The following CUL9 variants were observed in gnomAD, a reference collection of about 807,000 sequenced individuals.
CUL9 encodes the protein cullin 9.
A neutral mutation model predicts 272.6 loss-of-function variants in CUL9; 79 were observed. The observed-to-expected ratio is 0.29, with a 90% CI of 0.24 to 0.35. The LOEUF is 0.35. Among genes scored for constraint, CUL9 ranks in the 10% least tolerant of loss-of-function variants. The probability of loss-of-function intolerance (pLI) is 1.00; values close to 1 mark genes in which losing one functional copy is unlikely to be tolerated. For synonymous variants in CUL9, 1,186 were observed against 1,286.5 expected (o/e 0.92, Z 1.67); for missense variants, 2,532 against 3,255.6 (o/e 0.78, Z 5.41).
At chr6:43,185,816 TC>T in intron 3 of CUL9, 138 bp from the exon 4 acceptor site, 1 of 1,264,818 alleles carries the variant, frequency 7.9e-7, no homozygotes. Context: ...CCTATGCCTT[TC>T]TTACACAAAT....
rs1171642743 is a variant in CUL9 at position 43,223,593 on chromosome 6, C to G, written c.7284+196C>G. Reference sequence around the variant, plus strand: ...CTGCTGGACCCTATCACTTCACCTCCTGGGGATTCCTACAAAATAAAGGGG... The same window carrying G: ...CTGCTGGACCCTATCACTTCACCTCGTGGGGATTCCTACAAAATAAAGGGG... On this transcript the variant is annotated intron_variant, in intron 39 of 40. Transcript: ENST00000252050. This position sits in a 1 kb window ranked among gnomAD's most constrained non-coding sequence, Gnocchi z 4.1. 2 of 658,828 alleles carry G rather than the reference C, an allele frequency of 3.0e-6. No homozygotes were observed. The highest frequency in any genetic ancestry group is 2.5e-6 in the Non-Finnish European group (1 of 395,276). 40.8% of individuals were successfully genotyped at this position (658,828 alleles called of 1,614,324 possible). A position where few individuals can be genotyped will look rare whatever the true frequency, so the allele number is the denominator to read the frequency against.
chr6:43,219,814 C>G (rs1776199569), intron 31 of CUL9, among the ~76,000 whole-genome samples: 1 of 152,002 alleles, frequency 6.6e-6, no homozygotes, highest in South Asian at 2.1e-4. Flanking sequence ...GGATCAGGCT[C>G]TCACAGTGGT....
intron 16 of CUL9, among the ~76,000 whole-genome samples, chr6:43,201,719 T>C (rs890143033): frequency 1.3e-5 from 2 of 152,250 alleles, no homozygotes; most frequent in Non-Finnish European, 2.9e-5. Context: ...GACCTCGTGA[T>C]CCGCCCGCCT....
At chr6:43,190,147 C>A (rs1041012737) in intron 8 of CUL9, among the ~76,000 whole-genome samples, 1 of 152,082 alleles carries the variant, frequency 6.6e-6, no homozygotes, top group Non-Finnish European at 1.5e-5. Flanking sequence ...GTGCAGTGTT[C>A]TAACGCGTCT....
At position 43,184,988 on chromosome 6, in the gene CUL9, T is replaced by C; in HGVS notation, c.595+83T>C. ...AGAAAGAGGAGAGATTTCCTAGCTC[T>C]GTAAGAACACCTAGTATTTGGTGAA... On this transcript the variant is annotated intron_variant, in intron 2 of 40. Coordinates refer to ENST00000252050, the MANE Select transcript of CUL9 (RefSeq NM_015089.4). This position sits in a 1 kb window ranked among gnomAD's most constrained non-coding sequence, Gnocchi z 4.8. The C allele has an allele frequency of 9.7e-7, 1 of 1,028,552 alleles. No homozygotes were observed. The highest frequency in any genetic ancestry group is 1.4e-6 in the Non-Finnish European group (1 of 720,700). 63.7% of individuals were successfully genotyped at this position (1,028,552 alleles called of 1,614,324 possible). A position where few individuals can be genotyped will look rare whatever the true frequency, so the allele number is the denominator to read the frequency against.
intron 4 of CUL9, among the ~76,000 whole-genome samples, chr6:43,186,689 A>C (rs1772947736): frequency 6.6e-6 from 1 of 152,140 alleles, no homozygotes; most frequent in South Asian, 2.1e-4. Context: ...CAGAACTGAT[A>C]AATGGAGATA....
rs1408246723 is a variant in CUL9 at position 43,187,391 on chromosome 6, G to A, written c.1533G>A (p.Leu511=). The change falls in exon 6 of 41, where the codon TTG becomes TTA. Residue 511 remains leucine (L), a synonymous_variant. Transcript: ENST00000252050. The part of the protein sequence containing the change: ...ELLFFIKKLD[L]CEQQPIFQNL... ...TTTTCTTTATCAAAAAGTTGGACTT[G>A]TGTGAGCAGCAGCCAATTTTCCAGA... 1.9e-6 allele frequency: 3 copies of A among 1,614,006 alleles called. No individual in the cohort carries two copies. The highest frequency in any genetic ancestry group is 1.6e-4 in the Middle Eastern group (1 of 6,080).
In CUL9 at chr6:43,221,990, T is replaced by C. The variant is rs930446637; in HGVS notation, c.6846+212T>C. On this transcript the variant is annotated intron_variant, in intron 35 of 40. Coordinates refer to ENST00000252050, the MANE Select transcript of CUL9 (RefSeq NM_015089.4). This position sits in a 1 kb window ranked among gnomAD's most constrained non-coding sequence, Gnocchi z 4.2. Reference sequence around the variant, plus strand: ...TTCAGCTCCAGAACAGGACTTCTCATACCGAGGTGGCTACAGAAAGGCTGG... The same window carrying C: ...TTCAGCTCCAGAACAGGACTTCTCACACCGAGGTGGCTACAGAAAGGCTGG... 6 of 597,904 alleles carry C rather than the reference T, an allele frequency of 1.0e-5. No individual in the cohort carries two copies. In the East Asian group the frequency reaches 1.7e-4, roughly 17 times the overall value. 37.0% of individuals were successfully genotyped at this position (597,904 alleles called of 1,614,324 possible).
chr6:43,187,427 G>A lies in CUL9; in HGVS notation c.1569G>A (p.Lys523=). The A allele has an allele frequency of 1.9e-6, 3 of 1,614,082 alleles. No homozygotes were observed. Among genetic ancestry groups the A allele is most frequent in the Non-Finnish European group, 1.7e-6 (2 of 1,179,980 alleles). Residue 523 remains lysine (K), a synonymous_variant, in exon 6 of 41, where the codon AAG becomes AAA. Transcript: ENST00000252050. ...EQQPIFQNLW[K]NLDETLGEKA... is the part of the protein sequence containing the mutation. Reference sequence around the variant, plus strand: ...AGCCAATTTTCCAGAATCTTTGGAAGAACCTGGATGAGGTATTATAGGTCT... The same window carrying A: ...AGCCAATTTTCCAGAATCTTTGGAAAAACCTGGATGAGGTATTATAGGTCT...
intron 31 of CUL9, among the ~76,000 whole-genome samples, chr6:43,219,175 C>T (rs1182812652): frequency 2.0e-5 from 3 of 150,930 alleles, no homozygotes; most frequent in South Asian, 2.1e-4. Flanking sequence ...GGTGACAAAG[C>T]GAGACTTTGT....
Position 43,223,388 on chromosome 6 carries a change from T to C in CUL9, c.7275T>C (p.His2425=), listed in dbSNP as rs1319794446. ...AGAGGCTGCTTGCCATCCTGCAGCA[T>C]TCTGCCCAGGTACTGCCCGGCCCAG... ...IQERLLAILQ[H]SAQDFRVGLQ... The change falls in exon 39 of 41, where the codon CAT becomes CAC. Residue 2425 remains histidine (H), a synonymous_variant. Transcript: ENST00000252050. This position sits in a 1 kb window ranked among gnomAD's most constrained non-coding sequence, Gnocchi z 4.1. The C allele has an allele frequency of 2.5e-6, 4 of 1,597,686 alleles. No homozygotes were observed. In the Admixed American group the frequency reaches 6.9e-5, roughly 28 times the overall value.
At chr6:43,195,422 T>C (rs1156904415) in intron 9 of CUL9, among the ~76,000 whole-genome samples, 1 of 152,244 alleles carries the variant, frequency 6.6e-6, no homozygotes, top group Non-Finnish European at 1.5e-5. Context: ...AAGTCTTATC[T>C]AGAAGGGCTG....
Position 43,213,609 on chromosome 6 carries a change from G to T in CUL9, c.5488+42G>T. ...CGGGCTGAGCCTCTGCTGCTGGTCGGGGGGTCGCCCTCAAGATGGGGGGAC... is the reference window on the plus strand; with the variant it reads ...CGGGCTGAGCCTCTGCTGCTGGTCGTGGGGTCGCCCTCAAGATGGGGGGAC... On this transcript the variant is annotated intron_variant, in intron 28 of 40. Transcript: ENST00000252050. The surrounding 1 kb of genome is among the most constrained non-coding windows in gnomAD (Gnocchi z 5.7). The T allele has an allele frequency of 6.2e-7, 1 of 1,606,990 alleles. No individual in the cohort carries two copies. The highest frequency in any genetic ancestry group is 1.1e-5 in the South Asian group (1 of 90,684).
In CUL9 at chr6:43,200,019, A is replaced by T. The variant is rs768176639; in HGVS notation, c.3247A>T (p.Ile1083Phe). Residue 1083 changes from isoleucine (I) to phenylalanine (F), a missense_variant, in exon 14 of 41, where the codon ATC becomes TTC. Ile to Phe is a conservative substitution (Grantham distance 21). Around this residue, in one of 3 missense-constraint regions of CUL9, gnomAD observed 2,218 missense variants for 2,788.6 expected, o/e 0.80. Transcript: ENST00000252050. This position sits in a 1 kb window ranked among gnomAD's most constrained non-coding sequence, Gnocchi z 4.0. Reference sequence around the variant, plus strand: ...GCTCTGCTGCCTGGGAGCAAAAGAGATCCTCTCCAAAGTCCTGGACAAGCA... The same window carrying T: ...GCTCTGCTGCCTGGGAGCAAAAGAGTTCCTCTCCAAAGTCCTGGACAAGCA... ...VVLCCLGAKE[I>F]LSKVLDKHSA... 4.3e-6 allele frequency: 7 copies of T among 1,614,166 alleles called. No homozygotes were observed. The highest frequency in any genetic ancestry group is 4.2e-6 in the Non-Finnish European group (5 of 1,180,036).
intron 31 of CUL9, among the ~76,000 whole-genome samples, chr6:43,219,358 G>T (rs2150642984): frequency 6.6e-6 from 1 of 152,320 alleles, no homozygotes; most frequent in Middle Eastern, 3.4e-3. Context: ...CCCACCACTT[G>T]GGTTGGACAG....
chr6:43,204,209 C>A, intron 20 of CUL9, 151 bp from the exon 21 acceptor site: 1 of 1,094,660 alleles, frequency 9.1e-7, no homozygotes, highest in Non-Finnish European at 1.3e-6. Context: ...TTTCCCCTGA[C>A]TCCAGCTGAA....
chr6:43,223,013 C>G lies in CUL9; in HGVS notation c.7150+117C>G. On this transcript the variant is annotated intron_variant, in intron 38 of 40. Transcript: ENST00000252050. The surrounding 1 kb of genome is among the most constrained non-coding windows in gnomAD (Gnocchi z 4.1). ...ACCTTCCCTCTCTCCTCTTCCTCTT[C>G]ATTCTTCATGGCCTTCTCACTGCCT... 1 of 958,174 alleles carries G rather than the reference C, an allele frequency of 1.0e-6. No homozygotes were observed. The allele number at this position is 958,174 out of a possible 1,614,324, so 59.4% of individuals were successfully genotyped here.
intron 8 of CUL9, among the ~76,000 whole-genome samples, chr6:43,190,388 G>T (rs572182368): frequency 4.1e-5 from 6 of 148,048 alleles, no homozygotes; most frequent in Non-Finnish European, 9.0e-5. Flanking sequence ...TAGGCATTTT[G>T]GTTATTCCTT....
At position 43,213,478 on chromosome 6, in the gene CUL9, C is replaced by T. The variant is rs145525329; in HGVS notation, c.5399C>T (p.Ser1800Phe). The T allele has an allele frequency of 1.8e-5, 29 of 1,614,172 alleles. No individual in the cohort carries two copies. The African/African-American group carries it at 2.8e-4, about 16-fold the overall frequency. The stretch of plus-strand genomic sequence containing the variant: ...ACCTTGCTGAAGGATTCTGACCTCT[C>T]CCCAGAGCTGCTGCTCCAGGCACTC... ...VETLLKDSDLSPELLLQALVP... is the reference protein window; with the variant it reads ...VETLLKDSDLFPELLLQALVP... Residue 1800 changes from serine (S) to phenylalanine (F), a missense_variant, in exon 28 of 41, where the codon TCC becomes TTC. By Grantham distance (155) the Ser-to-Phe change is radical. Transcript: ENST00000252050. This position sits in a 1 kb window ranked among gnomAD's most constrained non-coding sequence, Gnocchi z 5.7.
Sources: allele counts gnomAD v4.1 joint callset (sites outside exome capture counted in the v4.1 genomes callset), GRCh38; gene constraint gnomAD v4.1.1; regional missense constraint gnomAD v4.1.1; non-coding constraint Gnocchi (gnomAD v3.1); transcripts MANE v1.5; gene names NCBI Gene and HGNC (gene_info 2026-07-23, HGNC 2026-07-21).